The following ADAMTS12 variants were observed in gnomAD, a reference collection of about 807,000 sequenced individuals.
ADAMTS12 encodes the protein A disintegrin and metalloproteinase with thrombospondin motifs 12.
Under a neutral mutation model 167.8 loss-of-function variants are expected in ADAMTS12, and 118 were observed. The observed-to-expected ratio is 0.70, with a 90% confidence interval of 0.61 to 0.82. ADAMTS12 has a LOEUF of 0.82. ADAMTS12 is among the 40% of genes least tolerant of loss of function. ADAMTS12 has a pLI of 0.00. For missense variants in ADAMTS12, 1,916 were observed against 1,998.8 expected, an observed-to-expected ratio of 0.96 and a Z score of 0.79; for synonymous variants, 704 against 716.9, an observed-to-expected ratio of 0.98 and a Z score of 0.29.
intron 2 of ADAMTS12, among the ~76,000 whole-genome samples, chr5:33,836,248 G>C (rs1748522382): frequency 6.6e-6 from 1 of 152,118 alleles, no homozygotes. Flanking sequence ...GACTTCCTCA[G>C]CCTGAAGGAG....
At chr5:33,656,979 CT>C (rs1489682367) in intron 7 of ADAMTS12, among the ~76,000 whole-genome samples, 1 of 152,104 alleles carries the variant, frequency 6.6e-6, no homozygotes, top group East Asian at 1.9e-4. Context: ...TAACCAAGGC[CT>C]TTTTGGTGAG....
At chr5:33,824,052 T>C (rs1180736930) in intron 2 of ADAMTS12, among the ~76,000 whole-genome samples, 1 of 152,196 alleles carries the variant, frequency 6.6e-6, no homozygotes, top group East Asian at 1.9e-4. Context: ...AAAAAAGTTT[T>C]AAATTGTTAA....
At chr5:33,732,631 T>C (rs1379489327) in intron 3 of ADAMTS12, among the ~76,000 whole-genome samples, 1 of 152,188 alleles carries the variant, frequency 6.6e-6, no homozygotes, top group Admixed American at 6.5e-5. Context: ...ATTTAAAAAA[T>C]ACTTTGTCCA....
chr5:33,736,577 CA>C (rs1744383187), intron 3 of ADAMTS12, among the ~76,000 whole-genome samples: 1 of 152,210 alleles, frequency 6.6e-6, no homozygotes, highest in African/African-American at 2.4e-5. Context: ...AAGCCTCACA[CA>C]GAAAGTAACC....
chr5:33,790,575 A>G (rs888245777), intron 2 of ADAMTS12, among the ~76,000 whole-genome samples: 5 of 150,948 alleles, frequency 3.3e-5, no homozygotes, highest in East Asian at 1.9e-4. Flanking sequence ...AAAAAAAGAA[A>G]AAAGAAAAAA....
At position 33,526,409 on chromosome 5, in the gene ADAMTS12, T is replaced by C. The variant is rs1743812762; in HGVS notation, c.*779A>G. On this transcript the variant is annotated 3_prime_UTR_variant, in exon 24 of 24. Transcript: ENST00000504830. ...GAATAAAGGCCCACAGTTCCTTTTC[T>C]GTAATATTAAGAAATTGATTTCTGC... 6.6e-6 allele frequency: 1 copy of C among 152,262 alleles called. No homozygotes were observed. The highest frequency in any genetic ancestry group is 1.5e-5 in the Non-Finnish European group (1 of 68,038). 9.4% of individuals were successfully genotyped at this position (152,262 alleles called of 1,614,324 possible).
At chr5:33,835,834 G>C (rs898312349) in intron 2 of ADAMTS12, among the ~76,000 whole-genome samples, 1 of 151,572 alleles carries the variant, frequency 6.6e-6, no homozygotes, top group Admixed American at 6.6e-5. Flanking sequence ...AAGGTTCTCA[G>C]GACTGGAAAA....
At chr5:33,717,609 C>T (rs1413013839) in intron 3 of ADAMTS12, among the ~76,000 whole-genome samples, 1 of 152,082 alleles carries the variant, frequency 6.6e-6, no homozygotes, top group Non-Finnish European at 1.5e-5. Context: ...ACTCTCCTTC[C>T]CCACCAAGCA....
chr5:33,611,359 TAGTAAAG>T (rs1738720224), intron 16 of ADAMTS12, among the ~76,000 whole-genome samples: 3 of 151,924 alleles, frequency 2.0e-5, no homozygotes, highest in African/African-American at 7.3e-5. Context: ...TTGTCTTTAA[TAGTAAAG>T]ATTGAAACAA....
At chr5:33,785,451 ATG>A (rs1199105366) in intron 2 of ADAMTS12, among the ~76,000 whole-genome samples, 1 of 151,794 alleles carries the variant, frequency 6.6e-6, no homozygotes, top group Non-Finnish European at 1.5e-5. Context: ...GTGTGTGTAC[ATG>A]TGTGTGTGTA....
At chr5:33,596,668 C>T (rs1055804287) in intron 16 of ADAMTS12, among the ~76,000 whole-genome samples, 7 of 152,044 alleles carry the variant, frequency 4.6e-5, no homozygotes, top group Admixed American at 2.0e-4. Flanking sequence ...GGCAACAGAG[C>T]GAGACTCTGT....
intron 2 of ADAMTS12, among the ~76,000 whole-genome samples, chr5:33,774,994 T>C (rs1181264344): frequency 6.6e-6 from 1 of 152,170 alleles, no homozygotes; most frequent in African/African-American, 2.4e-5. Context: ...AGATTCTTAG[T>C]CTCCAGTTCA....
intron 16 of ADAMTS12, among the ~76,000 whole-genome samples, chr5:33,596,737 G>A (rs1274978025): frequency 6.6e-6 from 1 of 152,240 alleles, no homozygotes; most frequent in Non-Finnish European, 1.5e-5. Context: ...GTGTTATGAG[G>A]CAATTGCTAC....
chr5:33,830,422 G>A (rs1748250708), intron 2 of ADAMTS12, among the ~76,000 whole-genome samples: 1 of 152,200 alleles, frequency 6.6e-6, no homozygotes, highest in African/African-American at 2.4e-5. Context: ...TACCAAGAAA[G>A]CAGCCAATTG....
chr5:33,861,925 A>T (rs1409959003), intron 2 of ADAMTS12, among the ~76,000 whole-genome samples: 1 of 152,212 alleles, frequency 6.6e-6, no homozygotes, highest in Non-Finnish European at 1.5e-5. Context: ...CTCCCAAATG[A>T]CTAATGGGTA....
chr5:33,761,980 G>A (rs1745374367), intron 2 of ADAMTS12, among the ~76,000 whole-genome samples: 1 of 151,056 alleles, frequency 6.6e-6, no homozygotes. Context: ...ATCACCTGAG[G>A]TCACGAGTTT....
chr5:33,846,300 T>C (rs1579986856), intron 2 of ADAMTS12, among the ~76,000 whole-genome samples: 1 of 152,344 alleles, frequency 6.6e-6, no homozygotes, highest in East Asian at 1.9e-4. Flanking sequence ...TCCCATATGT[T>C]TGATTAACTG....
At chr5:33,851,820 A>C (rs1164823094) in intron 2 of ADAMTS12, among the ~76,000 whole-genome samples, 1 of 152,238 alleles carries the variant, frequency 6.6e-6, no homozygotes, top group Non-Finnish European at 1.5e-5. Context: ...GTTCAGGTAA[A>C]ACCCCTTTCT....
At chr5:33,755,893 G>T (rs992890124) in intron 2 of ADAMTS12, among the ~76,000 whole-genome samples, 15 of 152,186 alleles carry the variant, frequency 9.9e-5, no homozygotes, top group African/African-American at 3.6e-4. Flanking sequence ...AAAAATTGAG[G>T]ATAAAGAGGT....
Sources: allele counts gnomAD v4.1 joint callset (sites outside exome capture counted in the v4.1 genomes callset), GRCh38; gene constraint gnomAD v4.1.1; transcripts MANE v1.5; gene names NCBI Gene and HGNC (gene_info 2026-07-23, HGNC 2026-07-21).